The following ARHGAP42 variants were observed in gnomAD, a reference collection of about 807,000 sequenced individuals.
ARHGAP42 encodes the protein Rho GTPase activating protein 42.
Under a neutral mutation model 125.0 loss-of-function variants are expected in ARHGAP42, and 63 were observed. The observed-to-expected ratio is 0.50, with a 90% CI of 0.41 to 0.62. The LOEUF is 0.62. Ranked by LOEUF, ARHGAP42 falls within the 20% of genes least tolerant of loss-of-function variation. The pLI, the probability that ARHGAP42 is intolerant of heterozygous loss-of-function variation, is 0.00. For synonymous variants in ARHGAP42, 339 were observed against 351.0 expected (o/e 0.97, Z 0.38); for missense variants, 766 against 1,024.2 (o/e 0.75, Z 3.44).
At chr11:100,842,942 C>T (rs914088035) in intron 3 of ARHGAP42, among the ~76,000 whole-genome samples, 4 of 151,924 alleles carry the variant, frequency 2.6e-5, no homozygotes, top group Admixed American at 2.6e-4. Flanking sequence ...CAAACCCAAA[C>T]CCAGCAGAAG....
chr11:100,761,379 C>T (rs563702228), intron 1 of ARHGAP42, among the ~76,000 whole-genome samples: 15 of 152,294 alleles, frequency 9.8e-5, no homozygotes, highest in African/African-American at 2.9e-4. Context: ...CTCTAGAGAA[C>T]GACATTGTGC....
intron 12 of ARHGAP42, among the ~76,000 whole-genome samples, chr11:100,951,361 A>G (rs1357900944): frequency 6.6e-6 from 1 of 152,174 alleles, no homozygotes; most frequent in Non-Finnish European, 1.5e-5. Flanking sequence ...AGATACATTA[A>G]CCAAATGGTG....
intron 3 of ARHGAP42, among the ~76,000 whole-genome samples, chr11:100,843,832 A>G (rs1864998064): frequency 6.6e-6 from 1 of 152,188 alleles, no homozygotes; most frequent in Non-Finnish European, 1.5e-5. Flanking sequence ...TCCCATGCTC[A>G]TGGATGGATA....
chr11:100,935,149 A>T (rs1257130024), intron 7 of ARHGAP42, among the ~76,000 whole-genome samples: 2 of 121,154 alleles, frequency 1.7e-5, no homozygotes, highest in Non-Finnish European at 3.9e-5. Context: ...TTTTTTTTTA[A>T]AATGGGGAAT....
Position 100,908,711 on chromosome 11 carries a change from T to C in ARHGAP42, c.385-4741T>C, listed in dbSNP as rs186438659. ...AATGCTGCTGTGATAAACATATGAG[T>C]GCAGGTAACTTTTTGATCTAATGAT... is the stretch of plus-strand genomic sequence containing the variant. On this transcript the variant is annotated intron_variant, in intron 4 of 23. Coordinates refer to ENST00000298815, the MANE Select transcript of ARHGAP42 (RefSeq NM_152432.4). Among the ~76,000 whole-genome samples the C allele has an allele frequency of 2.0e-5, 3 of 152,300 alleles. No homozygotes were observed. The East Asian group carries it at 5.8e-4, about 29-fold the overall frequency.
intron 1 of ARHGAP42, among the ~76,000 whole-genome samples, chr11:100,742,212 G>T (rs983693954): frequency 2.0e-5 from 3 of 152,134 alleles, no homozygotes; most frequent in Non-Finnish European, 4.4e-5. Context: ...TCTTATTTTT[G>T]TGTGTAATTT....
At chr11:100,699,706 A>G (rs1323011449) in intron 1 of ARHGAP42, among the ~76,000 whole-genome samples, 1 of 151,452 alleles carries the variant, frequency 6.6e-6, no homozygotes. Flanking sequence ...TATTTTTAGT[A>G]CATATGGGGT....
intron 3 of ARHGAP42, among the ~76,000 whole-genome samples, chr11:100,856,109 A>G (rs183068119): frequency 2.6e-5 from 4 of 152,152 alleles, no homozygotes; most frequent in Non-Finnish European, 5.9e-5. Context: ...TCCCCCAAGT[A>G]TTACCCTTTT....
In ARHGAP42 at chr11:100,965,694, G is replaced by A. The variant is rs930731678; in HGVS notation, c.1468G>A (p.Val490Met). ...AVKSDDQNYR[V>M]EAVHALVHKL... is the part of the protein sequence containing the mutation. ...AGAATCTGATGATCAAAACTACAGG[G>A]TGGAGGCTGTACATGCATTGGTGCA... Residue 490 changes from valine to methionine, a missense_variant, in exon 17 of 24, where the codon GTG becomes ATG. By Grantham distance (21) the Val-to-Met change is conservative (BLOSUM62 1). Transcript: ENST00000298815. 1.7e-5 allele frequency: 26 copies of A among 1,550,630 alleles called. No homozygotes were observed. Among genetic ancestry groups the A allele is most frequent in the Admixed American group, 3.9e-5 (2 of 50,998 alleles).
intron 1 of ARHGAP42, among the ~76,000 whole-genome samples, chr11:100,760,514 C>A (rs1395360716): frequency 6.6e-6 from 1 of 152,020 alleles, no homozygotes; most frequent in Non-Finnish European, 1.5e-5. Context: ...GCCTAGCCAA[C>A]ATGGTGAAAC....
At chr11:100,842,285 A>G (rs1371851972) in intron 3 of ARHGAP42, among the ~76,000 whole-genome samples, 5 of 152,180 alleles carry the variant, frequency 3.3e-5, no homozygotes, top group Admixed American at 3.3e-4. Flanking sequence ...TTACCATGTT[A>G]TCTAGATATG....
Position 100,818,446 on chromosome 11 carries a change from G to A in ARHGAP42, c.312+23280G>A, listed in dbSNP as rs142817054. Among the ~76,000 whole-genome samples the A allele has an allele frequency of 8.9e-4, 136 of 152,298 alleles. 1 individual carries two copies. In the East Asian group the frequency reaches 0.022, roughly 24 times the overall value. Reference sequence around the variant, plus strand: ...CTGTTACCCAAGTTCAGAGGAGGGAGGAGTTACTTCTAGCTGGAGGAATTT... The same window carrying A: ...CTGTTACCCAAGTTCAGAGGAGGGAAGAGTTACTTCTAGCTGGAGGAATTT... On this transcript the variant is annotated intron_variant, in intron 3 of 23. Transcript: ENST00000298815.
intron 4 of ARHGAP42, among the ~76,000 whole-genome samples, chr11:100,872,387 T>TTTGTTG (rs751829618): frequency 6.6e-6 from 1 of 151,926 alleles, no homozygotes; most frequent in East Asian, 1.9e-4. Flanking sequence ...TTAATGAGTT[T>TTTGTTG]TTGTTGTTGT....
At chr11:100,977,091 G>C (rs1858413250) in intron 21 of ARHGAP42, 120 bp downstream of exon 21, 9 of 1,161,470 alleles carry the variant, frequency 7.7e-6, no homozygotes, top group Non-Finnish European at 1.1e-5. Flanking sequence ...TATCTGTAGA[G>C]TGGGTACAGT....
At chr11:100,749,204 T>G (rs1176615747) in intron 1 of ARHGAP42, among the ~76,000 whole-genome samples, 1 of 152,100 alleles carries the variant, frequency 6.6e-6, no homozygotes, top group Non-Finnish European at 1.5e-5. Context: ...TTCAACCCCC[T>G]GAAATTTGTG....
At chr11:100,751,464 A>ATT (rs201443872) in intron 1 of ARHGAP42, among the ~76,000 whole-genome samples, 12 of 139,670 alleles carry the variant, frequency 8.6e-5, no homozygotes, top group South Asian at 4.6e-4. Flanking sequence ...ATACTTTTTT[A>ATT]TTTTTTTTTT....
intron 9 of ARHGAP42, 74 bp from the exon 10 acceptor site, chr11:100,943,685 C>A: frequency 9.5e-7 from 1 of 1,049,118 alleles, no homozygotes; most frequent in Non-Finnish European, 1.4e-6. Flanking sequence ...AATGTGGCAA[C>A]TTGAGCTCAC....
intron 1 of ARHGAP42, among the ~76,000 whole-genome samples, chr11:100,752,333 G>A (rs7924872): frequency 6.6e-6 from 1 of 152,188 alleles, no homozygotes; most frequent in African/African-American, 2.4e-5. Context: ...TGAGCACCAG[G>A]GCTGCCTGCC....
intron 3 of ARHGAP42, among the ~76,000 whole-genome samples, chr11:100,810,316 G>C (rs1314994228): frequency 1.3e-5 from 2 of 152,184 alleles, no homozygotes; most frequent in Non-Finnish European, 2.9e-5. Context: ...TACTAGACAA[G>C]ATAATTTACT....
Sources: gnomAD v4.1 joint callset for allele counts (sites outside exome capture counted in the v4.1 genomes callset) on GRCh38, gnomAD v4.1.1 for gene constraint, MANE v1.5 for transcripts, NCBI Gene and HGNC (gene_info 2026-07-23, HGNC 2026-07-21) for gene names.